The following DPP10 variants were observed in gnomAD, a reference collection of about 807,000 sequenced individuals.
The protein encoded by DPP10 is inactive dipeptidyl peptidase 10.
DPP10 carries 33 observed loss-of-function variants against 120.9 expected under a neutral mutation model. The observed-to-expected ratio is 0.27, with a 90% CI of 0.21 to 0.37. DPP10 has a LOEUF of 0.37. Among genes scored for constraint, DPP10 ranks in the 10% least tolerant of loss-of-function variants. The probability of loss-of-function intolerance (pLI) is 1.00; values close to 1 mark genes in which losing one functional copy is unlikely to be tolerated. For synonymous variants in DPP10, 337 were observed against 326.1 expected (o/e 1.03, Z -0.36); for missense variants, 816 against 942.8 (o/e 0.87, Z 1.76).
At chr2:115,397,497 G>A (rs2067767647) in intron 3 of DPP10, among the ~76,000 whole-genome samples, 1 of 152,124 alleles carries the variant, frequency 6.6e-6, no homozygotes, top group African/African-American at 2.4e-5. Context: ...TAAGTCTTCT[G>A]ACATTCAATA....
At chr2:114,743,063 A>T (rs1306062170) in intron 1 of DPP10, among the ~76,000 whole-genome samples, 1 of 152,222 alleles carries the variant, frequency 6.6e-6, no homozygotes, top group Admixed American at 6.5e-5. Context: ...TGGTTCAGAG[A>T]ATCAACTGAA....
intron 1 of DPP10, among the ~76,000 whole-genome samples, chr2:115,101,826 G>C (rs56958450): frequency 6.6e-6 from 1 of 151,948 alleles, no homozygotes; most frequent in Non-Finnish European, 1.5e-5. Flanking sequence ...GGCCTCTAAC[G>C]CACTTGCAAC....
chr2:114,483,521 G>A (rs1192021244), intron 1 of DPP10, among the ~76,000 whole-genome samples: 1 of 151,668 alleles, frequency 6.6e-6, no homozygotes, highest in African/African-American at 2.4e-5. Context: ...GCGCTTTTTG[G>A]ACAAATCACA....
At chr2:114,758,391 C>T (rs897378653) in intron 1 of DPP10, among the ~76,000 whole-genome samples, 9 of 152,148 alleles carry the variant, frequency 5.9e-5, no homozygotes, top group African/African-American at 2.4e-5. Flanking sequence ...CAGTTGAAGT[C>T]TTTATTTGAG....
intron 1 of DPP10, among the ~76,000 whole-genome samples, chr2:114,460,788 T>C (rs981348159): frequency 4.6e-5 from 7 of 152,202 alleles, no homozygotes; most frequent in Non-Finnish European, 1.0e-4. Context: ...ATTTCTTTCA[T>C]TAGGACAAAT....
chr2:115,283,394 A>G (rs2060238880), intron 1 of DPP10, among the ~76,000 whole-genome samples: 1 of 152,038 alleles, frequency 6.6e-6, no homozygotes, highest in Non-Finnish European at 1.5e-5. Flanking sequence ...ATGTCTACTC[A>G]AGATTTACAT....
At chr2:115,798,371 A>C (rs1325516229) in intron 19 of DPP10, among the ~76,000 whole-genome samples, 1 of 152,054 alleles carries the variant, frequency 6.6e-6, no homozygotes, top group Non-Finnish European at 1.5e-5. Context: ...TGAAGTTAAA[A>C]ATACCAAGAT....
intron 1 of DPP10, among the ~76,000 whole-genome samples, chr2:115,232,462 T>G (rs1031124941): frequency 2.0e-5 from 3 of 152,218 alleles, no homozygotes; most frequent in Non-Finnish European, 4.4e-5. Context: ...TTACAATGTT[T>G]CACTGACCAT....
At chr2:114,904,427 C>T (rs964915543) in intron 1 of DPP10, among the ~76,000 whole-genome samples, 56 of 152,280 alleles carry the variant, frequency 3.7e-4, no homozygotes, top group African/African-American at 1.3e-3. Context: ...TAGGAAATTT[C>T]TAGGCAAAGT....
intron 4 of DPP10, among the ~76,000 whole-genome samples, chr2:115,513,648 T>C (rs952035640): frequency 1.1e-4 from 17 of 152,044 alleles, no homozygotes; most frequent in Admixed American, 5.2e-4. Flanking sequence ...ACAAACATTA[T>C]TCCAACTTCA....
intron 1 of DPP10, among the ~76,000 whole-genome samples, chr2:114,928,381 G>C (rs912139261): frequency 6.6e-6 from 1 of 152,178 alleles, no homozygotes; most frequent in African/African-American, 2.4e-5. Flanking sequence ...AGGGATAACA[G>C]GCCCCACACA....
At chr2:115,084,276 C>CA (rs1453089603) in intron 1 of DPP10, among the ~76,000 whole-genome samples, 1 of 152,128 alleles carries the variant, frequency 6.6e-6, no homozygotes, top group African/African-American at 2.4e-5. Context: ...TAAAATTTAA[C>CA]AACAACAAAA....
At chr2:115,223,363 A>G (rs1043983937) in intron 1 of DPP10, among the ~76,000 whole-genome samples, 1 of 152,158 alleles carries the variant, frequency 6.6e-6, no homozygotes, top group Non-Finnish European at 1.5e-5. Context: ...CATAGGTTTA[A>G]TTATGGCTGT....
intron 7 of DPP10, among the ~76,000 whole-genome samples, chr2:115,720,557 T>C (rs1465376557): frequency 6.6e-6 from 1 of 152,048 alleles, no homozygotes; most frequent in Non-Finnish European, 1.5e-5. Flanking sequence ...ATATCTCTGA[T>C]AAAAAATAAC....
intron 1 of DPP10, among the ~76,000 whole-genome samples, chr2:114,923,547 C>A (rs1695370000): frequency 7.4e-6 from 1 of 134,638 alleles, no homozygotes; most frequent in Non-Finnish European, 1.5e-5. Context: ...GGCGTGATCT[C>A]AGCTCAATGC....
At chr2:115,030,805 A>G (rs1420450897) in intron 1 of DPP10, among the ~76,000 whole-genome samples, 1 of 152,162 alleles carries the variant, frequency 6.6e-6, no homozygotes, top group East Asian at 1.9e-4. Flanking sequence ...ATGCTTTGAC[A>G]CTGTTGGTGG....
At chr2:114,974,393 G>A (rs557561196) in intron 1 of DPP10, among the ~76,000 whole-genome samples, 1 of 150,628 alleles carries the variant, frequency 6.6e-6, no homozygotes, top group East Asian at 2.0e-4. Context: ...GTAGTCTTGG[G>A]ATATAGGCTA....
intron 5 of DPP10, among the ~76,000 whole-genome samples, chr2:115,575,782 T>A (rs1168847309): frequency 6.6e-6 from 1 of 152,088 alleles, no homozygotes; most frequent in Non-Finnish European, 1.5e-5. Flanking sequence ...GTGGGCCTAA[T>A]GTAATCATAT....
intron 5 of DPP10, among the ~76,000 whole-genome samples, chr2:115,636,255 T>C (rs967173942): frequency 1.3e-5 from 2 of 151,972 alleles, no homozygotes; most frequent in Admixed American, 6.6e-5. Flanking sequence ...AAATATGTAA[T>C]AATGAATAAT....
Sources: gnomAD v4.1 joint callset for allele counts (sites outside exome capture counted in the v4.1 genomes callset) on GRCh38, gnomAD v4.1.1 for gene constraint, MANE v1.5 for transcripts, NCBI Gene and HGNC (gene_info 2026-07-23, HGNC 2026-07-21) for gene names.